The following NAA60 variants were observed in gnomAD, a reference collection of about 807,000 sequenced individuals.
The protein encoded by NAA60 is N-alpha-acetyltransferase 60, NatF catalytic subunit, also known as N-alpha-acetyltransferase 60.
NAA60 carries 8 observed loss-of-function variants against 26.1 expected under a neutral mutation model. The ratio of observed to expected loss-of-function variants is 0.31; its 90% CI spans 0.18 to 0.55. The LOEUF (loss-of-function observed/expected upper bound fraction) is 0.55, where lower values mean the gene tolerates loss of function less well. Among genes scored for constraint, NAA60 ranks in the 20% least tolerant of loss-of-function variants. The probability of loss-of-function intolerance (pLI) is 0.93; values close to 1 mark genes in which losing one functional copy is unlikely to be tolerated. For synonymous variants in NAA60, 131 were observed against 122.5 expected (o/e 1.07, Z -0.46); for missense variants, 290 against 311.3 (o/e 0.93, Z 0.51).
rs1452284919 is a variant in NAA60 at position 3,445,274 on chromosome 16, C to CTTTTT, written c.-77+1438_-77+1439insTTTTT. Among the ~76,000 whole-genome samples the CTTTTT allele has an allele frequency of 6.4e-5, 8 of 125,532 alleles. 1 individual carries two copies. The highest frequency in any genetic ancestry group is 6.5e-5 in the Non-Finnish European group (4 of 61,858). 82.4% of individuals were successfully genotyped at this position (125,532 alleles called of 152,430 possible). On this transcript the variant is annotated intron_variant, in intron 1 of 7. Transcript: ENST00000407558. ...CTTTCCCTTCTTGGTTTGTGCTTAT[C>CTTTTT]TCTTTTTTTTTTTTTTTTTTGAGAC...
At chr16:3,464,037 A>G (rs985235848) in intron 2 of NAA60, among the ~76,000 whole-genome samples, 1 of 152,064 alleles carries the variant, frequency 6.6e-6, no homozygotes, top group African/African-American at 2.4e-5. Flanking sequence ...ATTTTATTTT[A>G]TTTTATTTTA....
At chr16:3,452,572 C>G (rs987895255) in intron 2 of NAA60, among the ~76,000 whole-genome samples, 2 of 151,900 alleles carry the variant, frequency 1.3e-5, no homozygotes, top group South Asian at 2.1e-4. Flanking sequence ...ACGAGAATCA[C>G]TTGAGCCCAG....
rs779895113 is a variant in NAA60 at position 3,483,613 on chromosome 16, G to A, written c.572+16G>A. On this transcript the variant is annotated intron_variant, in intron 6 of 7. Transcript: ENST00000407558. ...GGACGATTTTATATCCTTAACTTCT[G>A]GGGGAGAGGGACTGTGGCTTCCTGT... 26 of 1,588,638 alleles carry A rather than the reference G, an allele frequency of 1.6e-5. No homozygotes were observed. Among genetic ancestry groups the A allele is most frequent in the Non-Finnish European group, 1.6e-5 (18 of 1,159,000 alleles).
chr16:3,480,352 T>C (rs2036748731), intron 4 of NAA60, among the ~76,000 whole-genome samples: 1 of 152,160 alleles, frequency 6.6e-6, no homozygotes, highest in African/African-American at 2.4e-5. Flanking sequence ...ATCTCAGCAC[T>C]TTGGGAGGCC....
At position 3,473,291 on chromosome 16, in the gene NAA60, C is replaced by G. The variant is rs371384113; in HGVS notation, c.-6-2931C>G. Among the ~76,000 whole-genome samples, 71 of 152,218 alleles carry G rather than the reference C, an allele frequency of 4.7e-4. No individual in the cohort carries two copies. In the East Asian group the frequency reaches 6.2e-3, roughly 13 times the overall value. ...AGAGACTGGGTAATTTATAAAGGAA[C>G]CAGGTTTAATGGACTCACGGTTGTA... On this transcript the variant is annotated intron_variant, in intron 2 of 7. Coordinates refer to ENST00000407558, the MANE Select transcript of NAA60 (RefSeq NM_001083601.3).
chr16:3,474,384 C>A (rs573920693), intron 2 of NAA60, among the ~76,000 whole-genome samples: 1 of 152,204 alleles, frequency 6.6e-6, no homozygotes, highest in Non-Finnish European at 1.5e-5. Context: ...CCCATCAGCT[C>A]GTTCCAGCAG....
At chr16:3,476,484 C>T (rs2036492057) in intron 3 of NAA60, 147 bp downstream of exon 3, 2 of 639,010 alleles carry the variant, frequency 3.1e-6, no homozygotes, top group South Asian at 2.0e-5. Flanking sequence ...CCCAGGTTAC[C>T]CACCTCATCT....
chr16:3,464,786 T>C (rs184679639), intron 2 of NAA60, among the ~76,000 whole-genome samples: 9 of 152,328 alleles, frequency 5.9e-5, no homozygotes, highest in Non-Finnish European at 1.2e-4. Flanking sequence ...TTAGGAAATA[T>C]ATTCCAGGCA....
intron 2 of NAA60, among the ~76,000 whole-genome samples, chr16:3,456,320 G>A (rs2034992728): frequency 6.6e-6 from 1 of 152,156 alleles, no homozygotes; most frequent in Admixed American, 6.5e-5. Flanking sequence ...CTCCTGGACC[G>A]CAGACTGCAC....
intron 2 of NAA60, among the ~76,000 whole-genome samples, chr16:3,462,875 T>C (rs1400931491): frequency 6.6e-6 from 1 of 152,208 alleles, no homozygotes; most frequent in Non-Finnish European, 1.5e-5. Context: ...GGACTCCCCT[T>C]ACTCAAGAAA....
intron 2 of NAA60, among the ~76,000 whole-genome samples, chr16:3,469,284 C>T (rs891635163): frequency 1.5e-5 from 2 of 135,200 alleles, no homozygotes; most frequent in African/African-American, 2.7e-5. Flanking sequence ...CAGAGAGCAC[C>T]TGCCTGGCAG....
rs1303117066 is a variant in NAA60, at chr16:3,443,755, CA to C, written c.-158del. 3.3e-6 allele frequency: 5 copies of C among 1,532,572 alleles called. No individual in the cohort carries two copies. The African/African-American group carries it at 6.9e-5, about 21-fold the overall frequency. 94.9% of individuals were successfully genotyped at this position (1,532,572 alleles called of 1,614,324 possible). Reference sequence around the variant, plus strand: ...CTGAAGTAGAGTCTTAGGGTGACCCCAGGGGGACGTAATGTTTCCGAGAAGA... The same window carrying C: ...CTGAAGTAGAGTCTTAGGGTGACCCCGGGGGACGTAATGTTTCCGAGAAGA... On this transcript the variant is annotated 5_prime_UTR_variant, in exon 1 of 8. Coordinates refer to ENST00000407558, the MANE Select transcript of NAA60 (RefSeq NM_001083601.3).
rs144154635 is a variant in NAA60 at position 3,451,961 on chromosome 16, A to C, written c.-7+3421A>C. 2.0e-3 allele frequency among the ~76,000 whole-genome samples: 309 copies of C among 151,108 alleles called. 1 individual carries two copies. The highest frequency in any genetic ancestry group is 7.1e-3 in the African/African-American group (291 of 41,114). ...GGTGGCTCACACCAGTAATCCCAGA[A>C]TCCCAGCACTTTGGGAGGTAAGGTG... On this transcript the variant is annotated intron_variant, in intron 2 of 7. Transcript: ENST00000407558.
intron 1 of NAA60, among the ~76,000 whole-genome samples, chr16:3,446,626 T>TG (rs1179993785): frequency 6.6e-6 from 1 of 151,036 alleles, no homozygotes; most frequent in Non-Finnish European, 1.5e-5. Context: ...TTTGTTTTTT[T>TG]TTTTTTGAGA....
chr16:3,446,812 T>C (rs2034574642), intron 1 of NAA60, among the ~76,000 whole-genome samples: 1 of 152,078 alleles, frequency 6.6e-6, no homozygotes, highest in African/African-American at 2.4e-5. Flanking sequence ...AGTTTTGCCA[T>C]GTTGGCCAGG....
chr16:3,479,378 G>C (rs2036683802), intron 3 of NAA60, 93 bp from the exon 4 acceptor site: 1 of 1,376,906 alleles, frequency 7.3e-7, no homozygotes, highest in Non-Finnish European at 1.0e-6. Flanking sequence ...AGGCAGAAGT[G>C]GCCCAGAGCT....
rs531436466 is a variant in NAA60, at chr16:3,450,499, G to A, written c.-7+1959G>A. ...GCGGATCACAAGGTCAGGAGATCGAGACCATCCTGGCTAACATGGTGAAAC... is the reference window on the plus strand; with the variant it reads ...GCGGATCACAAGGTCAGGAGATCGAAACCATCCTGGCTAACATGGTGAAAC... On this transcript the variant is annotated intron_variant, in intron 2 of 7. Coordinates refer to ENST00000407558, the MANE Select transcript of NAA60 (RefSeq NM_001083601.3). Among the ~76,000 whole-genome samples the A allele has an allele frequency of 1.3e-3, 198 of 152,146 alleles. 2 individuals are homozygous for A. The highest frequency in any genetic ancestry group is 4.4e-3 in the African/African-American group (184 of 41,512).
intron 2 of NAA60, among the ~76,000 whole-genome samples, chr16:3,467,196 T>A (rs1032034853): frequency 2.0e-5 from 3 of 152,082 alleles, no homozygotes; most frequent in Non-Finnish European, 4.4e-5. Flanking sequence ...TGGGAGAATC[T>A]TCAGGCCACG....
At chr16:3,448,737 A>G in intron 2 of NAA60, 197 bp downstream of exon 2, 2 of 533,604 alleles carry the variant, frequency 3.7e-6, no homozygotes, top group Non-Finnish European at 6.7e-6. Context: ...TTCTTACGTT[A>G]GGTACACAGG....
Sources: gnomAD v4.1 joint callset for allele counts (sites outside exome capture counted in the v4.1 genomes callset) on GRCh38, gnomAD v4.1.1 for gene constraint, MANE v1.5 for transcripts, NCBI Gene and HGNC (gene_info 2026-07-23, HGNC 2026-07-21) for gene names.